The following ADAMTS18 variants were observed in gnomAD, a reference collection of about 807,000 sequenced individuals.
The protein encoded by ADAMTS18 is A disintegrin and metalloproteinase with thrombospondin motifs 18.
ADAMTS18 carries 157 observed loss-of-function variants against 165.9 expected under a neutral mutation model. The ratio of observed to expected loss-of-function variants is 0.95; its 90% CI spans 0.83 to 1.08. ADAMTS18 has a LOEUF of 1.08. Ranked by LOEUF, ADAMTS18 falls within the 50% of genes least tolerant of loss-of-function variation. The pLI is 0.00. For synonymous variants in ADAMTS18, 782 were observed against 578.2 expected, an observed-to-expected ratio of 1.35 and a Z score of -5.06; for missense variants, 2,040 against 1,534.0, an observed-to-expected ratio of 1.33 and a Z score of -5.51.
chr16:77,310,516 T>G (rs1275069064), intron 16 of ADAMTS18, among the ~76,000 whole-genome samples: 6 of 151,646 alleles, frequency 4.0e-5, no homozygotes, highest in African/African-American at 1.5e-4. Context: ...AGATGCTTCT[T>G]GTCTAACCCA....
Position 77,367,643 on chromosome 16 carries a change from G to C in ADAMTS18, c.576C>G (p.Ser192Arg). ...PQLLAQEHNYSSPAGHHPHVL... is the reference protein window; with the variant it reads ...PQLLAQEHNYRSPAGHHPHVL... ...CGTGAGGATGGTGACCCGCAGGGGA[G>C]CTGTAGTTGTGTTCCTGGGCCAGAA... The change falls in exon 4 of 23, where the codon AGC (serine) becomes AGG (arginine). Residue 192 changes from serine (S) to arginine (R), a missense_variant. Ser to Arg is a moderately radical substitution (Grantham distance 110). Transcript: ENST00000282849. 1 of 1,614,178 alleles carries C rather than the reference G, an allele frequency of 6.2e-7. No homozygotes were observed. Among genetic ancestry groups the C allele is most frequent in the Non-Finnish European group, 8.5e-7 (1 of 1,180,036 alleles).
In ADAMTS18 at chr16:77,341,758, C is replaced by T. The variant is rs373068752; in HGVS notation, c.1656G>A (p.Arg552=). Residue 552 remains arginine (R), a synonymous_variant, in exon 11 of 23, where the codon AGG becomes AGA. Coordinates refer to ENST00000282849, the MANE Select transcript of ADAMTS18 (RefSeq NM_199355.4). ...CTGCGGGCATAAACTTGGTCTCACA[C>T]CTGTGGCCTACTCGGTGGCACCAAA... ...KSLWCHRVGH[R]CETKFMPAAE... 97 of 1,613,482 alleles carry T rather than the reference C, an allele frequency of 6.0e-5. No homozygotes were observed. The highest frequency in any genetic ancestry group is 7.8e-5 in the Non-Finnish European group (92 of 1,179,816).
chr16:77,310,599 A>C (rs1212468643), intron 16 of ADAMTS18, among the ~76,000 whole-genome samples: 1 of 151,960 alleles, frequency 6.6e-6, no homozygotes, highest in East Asian at 1.9e-4. Context: ...TTAAGGCTGT[A>C]AAGTTTTGGT....
intron 3 of ADAMTS18, among the ~76,000 whole-genome samples, chr16:77,422,453 C>G (rs1213956978): frequency 6.7e-6 from 1 of 149,814 alleles, no homozygotes; most frequent in Non-Finnish European, 1.5e-5. Context: ...TAGCTTGGAT[C>G]TAGCCTTGTT....
rs3743750 is a variant in ADAMTS18 at position 77,289,313 on chromosome 16, C to A, written c.3501G>T (p.Pro1167=). Residue 1167 remains proline, a synonymous_variant, in exon 22 of 23, where the codon CCG becomes CCT. Coordinates refer to ENST00000282849, the MANE Select transcript of ADAMTS18 (RefSeq NM_199355.4). ...SSSCLLHQKP[P]VLRACNTNFC... is the part of the protein sequence containing the mutation. ...AGTTTGTATTACAGGCTCGTAGCAC[C>A]GGAGGTTTCTGATGGAGCAGACAAC... 13 of 1,614,004 alleles carry A rather than the reference C, an allele frequency of 8.1e-6. No homozygotes were observed. The Admixed American group carries it at 1.7e-4, about 21-fold the overall frequency.
At chr16:77,294,313 A>G (rs1453728392) in intron 19 of ADAMTS18, among the ~76,000 whole-genome samples, 2 of 151,956 alleles carry the variant, frequency 1.3e-5, no homozygotes. Flanking sequence ...ATTCACCTCT[A>G]CCCACTAGAT....
intron 3 of ADAMTS18, among the ~76,000 whole-genome samples, chr16:77,376,576 T>C (rs1003429747): frequency 2.6e-5 from 4 of 152,234 alleles, no homozygotes; most frequent in Non-Finnish European, 5.9e-5. Flanking sequence ...CTCTGTGTGC[T>C]GCAGGGTCAA....
At chr16:77,359,546 T>C (rs1353005335) in intron 7 of ADAMTS18, 123 bp from the exon 8 acceptor site, 4 of 630,396 alleles carry the variant, frequency 6.3e-6, no homozygotes, top group South Asian at 3.5e-5. Flanking sequence ...TTCAGTGTTT[T>C]TGGAAAAAAA....
chr16:77,372,072 G>C (rs1004481402), intron 3 of ADAMTS18, among the ~76,000 whole-genome samples: 4 of 152,038 alleles, frequency 2.6e-5, no homozygotes, highest in African/African-American at 4.8e-5. Flanking sequence ...AACCATATGA[G>C]ATATTACCTC....
At chr16:77,323,606 C>T (rs921919310) in intron 13 of ADAMTS18, among the ~76,000 whole-genome samples, 2 of 149,652 alleles carry the variant, frequency 1.3e-5, no homozygotes, top group Admixed American at 6.7e-5. Context: ...TTTATGAGTC[C>T]ATTAAAAACA....
At chr16:77,365,651 G>A (rs2056782677) in intron 4 of ADAMTS18, among the ~76,000 whole-genome samples, 1 of 152,154 alleles carries the variant, frequency 6.6e-6, no homozygotes. Context: ...GATGCCTTTA[G>A]TTAATGGACA....
chr16:77,330,835 CT>C (rs2056176829), intron 12 of ADAMTS18, among the ~76,000 whole-genome samples: 1 of 152,170 alleles, frequency 6.6e-6, no homozygotes, highest in Non-Finnish European at 1.5e-5. Context: ...CACACTGCTT[CT>C]CGGATGAGAC....
chr16:77,303,679 T>C (rs988296056), intron 16 of ADAMTS18, among the ~76,000 whole-genome samples: 1 of 151,514 alleles, frequency 6.6e-6, no homozygotes, highest in African/African-American at 2.4e-5. Flanking sequence ...TATCCCCCAG[T>C]GGAGAAGATG....
At chr16:77,364,474 C>G (rs958797376) in intron 4 of ADAMTS18, 93 bp from the exon 5 acceptor site, 1 of 1,397,802 alleles carries the variant, frequency 7.2e-7, no homozygotes. Context: ...AGAAGAGAAA[C>G]TATGTAACCA....
At chr16:77,406,202 C>A (rs547542374) in intron 3 of ADAMTS18, among the ~76,000 whole-genome samples, 3 of 152,112 alleles carry the variant, frequency 2.0e-5, no homozygotes, top group South Asian at 2.1e-4. Flanking sequence ...AAAGCCAAAG[C>A]TGGCTTAACA....
chr16:77,322,438 C>T lies in ADAMTS18; in HGVS notation c.2061G>A (p.Lys687=), dbSNP rs2056019849. 1.2e-6 allele frequency: 2 copies of T among 1,613,950 alleles called. No individual in the cohort carries two copies. The highest frequency in any genetic ancestry group is 1.7e-5 in the Admixed American group (1 of 60,000). ...EEEDRCKLYC[K]AENFEFFFAM... is the part of the protein sequence containing the mutation. Reference sequence around the variant, plus strand: ...CAAAAAAAAATTCAAAGTTCTCAGCCTTGCAGTACAGTTTGCATCGATCTT... The same window carrying T: ...CAAAAAAAAATTCAAAGTTCTCAGCTTTGCAGTACAGTTTGCATCGATCTT... Residue 687 remains lysine (K), a synonymous_variant, in exon 14 of 23, where the codon AAG becomes AAA. Transcript: ENST00000282849.
intron 3 of ADAMTS18, among the ~76,000 whole-genome samples, chr16:77,371,263 A>ACG (rs2056872257): frequency 1.3e-5 from 2 of 152,104 alleles, no homozygotes; most frequent in African/African-American, 2.4e-5. Context: ...ACGGAGAAAA[A>ACG]GAAAAAAGAA....
In ADAMTS18 at chr16:77,285,335, G is replaced by C. The variant is rs575576737; in HGVS notation, c.3551-1264C>G. Among the ~76,000 whole-genome samples the C allele has an allele frequency of 3.5e-3, 527 of 152,226 alleles. 4 individuals carry two copies. Among genetic ancestry groups the C allele is most frequent in the Non-Finnish European group, 5.6e-3 (379 of 68,004 alleles). ...TTACAGGCACCCACCACCACGCCCA[G>C]TTAATTTTTGTATTTTTAGTAGAGA... On this transcript the variant is annotated intron_variant, in intron 22 of 22. Coordinates refer to ENST00000282849, the MANE Select transcript of ADAMTS18 (RefSeq NM_199355.4).
chr16:77,284,910 C>T (rs552959214), intron 22 of ADAMTS18, among the ~76,000 whole-genome samples: 1 of 152,116 alleles, frequency 6.6e-6, no homozygotes. Flanking sequence ...CCTTATTTGC[C>T]TGCAAATGGG....
Sources: gnomAD v4.1 joint callset for allele counts (sites outside exome capture counted in the v4.1 genomes callset) on GRCh38, gnomAD v4.1.1 for gene constraint, MANE v1.5 for transcripts, NCBI Gene and HGNC (gene_info 2026-07-23, HGNC 2026-07-21) for gene names.